The following ZFHX3 variants were observed in gnomAD, a reference collection of about 807,000 sequenced individuals.
ZFHX3 encodes zinc finger homeobox 3.
In ZFHX3, 42 loss-of-function variants were observed where a neutral mutation model predicts 279.1. That is an observed-to-expected ratio of 0.15 (90% CI 0.12 to 0.19). The LOEUF (loss-of-function observed/expected upper bound fraction) is 0.19, where lower values mean the gene tolerates loss of function less well. Ranked by LOEUF, ZFHX3 falls within the 10% of genes least tolerant of loss-of-function variation. The pLI is 1.00. For synonymous variants in ZFHX3, 2,293 were observed against 1,957.8 expected (o/e 1.17, Z -4.52); for missense variants, 4,981 against 4,754.0 (o/e 1.05, Z -1.40).
chr16:73,187,690 G>A (rs1967944620), intron 5 of ZFHX3, among the ~76,000 whole-genome samples: 1 of 152,210 alleles, frequency 6.6e-6, no homozygotes. Flanking sequence ...CTCTTTGGAT[G>A]ACAGCGATTT....
intron 4 of ZFHX3, among the ~76,000 whole-genome samples, chr16:72,862,225 G>A (rs947300503): frequency 6.6e-6 from 1 of 152,136 alleles, no homozygotes; most frequent in African/African-American, 2.4e-5. Flanking sequence ...GCTTACAAAG[G>A]TGGGTCTGGT....
At chr16:72,810,305 C>G (rs1030111800) in intron 7 of ZFHX3, among the ~76,000 whole-genome samples, 1 of 152,214 alleles carries the variant, frequency 6.6e-6, no homozygotes, top group Non-Finnish European at 1.5e-5. Flanking sequence ...CCTGCCTCAG[C>G]CTCCTTAGTA....
intron 2 of ZFHX3, among the ~76,000 whole-genome samples, chr16:73,495,677 T>C (rs908438973): frequency 2.6e-5 from 4 of 152,138 alleles, no homozygotes; most frequent in African/African-American, 9.7e-5. Flanking sequence ...GAAAAGACGT[T>C]AAGGCTCAGA....
intron 1 of ZFHX3, among the ~76,000 whole-genome samples, chr16:73,851,975 C>T (rs941528680): frequency 4.6e-5 from 7 of 152,160 alleles, no homozygotes; most frequent in African/African-American, 1.7e-4. Flanking sequence ...ATATCCAAAG[C>T]CATCTCTTAC....
At chr16:73,037,491 C>G (rs1964953362) in intron 1 of ZFHX3, among the ~76,000 whole-genome samples, 1 of 152,106 alleles carries the variant, frequency 6.6e-6, no homozygotes, top group Admixed American at 6.5e-5. Flanking sequence ...GCGACAGTTT[C>G]AATAAGTCAA....
At chr16:73,624,693 G>A (rs959151345) in intron 2 of ZFHX3, among the ~76,000 whole-genome samples, 18 of 151,680 alleles carry the variant, frequency 1.2e-4, no homozygotes, top group Non-Finnish European at 2.9e-5. Context: ...ACTTCATAAA[G>A]CACATTTCAT....
chr16:73,182,350 G>A (rs538091001), intron 5 of ZFHX3, among the ~76,000 whole-genome samples: 2 of 152,122 alleles, frequency 1.3e-5, no homozygotes, highest in East Asian at 1.9e-4. Context: ...CCAGCTACTC[G>A]GGAGGCTGAG....
Position 72,787,473 on chromosome 16 carries a change from C to T in ZFHX3, c.10803G>A (p.Ser3601=). 2 of 1,408,162 alleles carry T rather than the reference C, an allele frequency of 1.4e-6. No homozygotes were observed. Among genetic ancestry groups the T allele is most frequent in the Admixed American group, 2.2e-5 (1 of 46,038 alleles). 87.2% of individuals were successfully genotyped at this position (1,408,162 alleles called of 1,614,324 possible). ...GGGAAGCGGAGGAGGGGGCGGCGGCCGACGGGGGAGGGGGGCTGTCGTTTG... is the reference window on the plus strand; with the variant it reads ...GGGAAGCGGAGGAGGGGGCGGCGGCTGACGGGGGAGGGGGGCTGTCGTTTG... ...AHSNDSPPPP[S]AAAPSSASPH... The change falls in exon 10 of 10, where the codon TCG becomes TCA. Residue 3601 remains serine, a synonymous_variant. Coordinates refer to ENST00000268489, the MANE Select transcript of ZFHX3 (RefSeq NM_006885.4).
intron 2 of ZFHX3, among the ~76,000 whole-genome samples, chr16:73,462,547 G>A (rs977359177): frequency 6.6e-6 from 1 of 152,024 alleles, no homozygotes; most frequent in South Asian, 2.1e-4. Context: ...ACTAGCTGTA[G>A]GTTTTTGTAG....
At chr16:73,768,628 A>G (rs557502797) in intron 1 of ZFHX3, among the ~76,000 whole-genome samples, 4 of 152,306 alleles carry the variant, frequency 2.6e-5, no homozygotes, top group African/African-American at 9.6e-5. Flanking sequence ...TGTCTGTATT[A>G]ATACATTCCT....
rs1389056515 is a variant in ZFHX3, at chr16:73,045,804, G to GT, written c.-50+1947dup. The stretch of plus-strand genomic sequence containing the variant: ...AGCCATTTCAAAAAAAAAAAAAAAA[G>GT]TGGGGGGGGGTTGTTGAGAGAGGGA... On this transcript the variant is annotated intron_variant, in intron 1 of 9. Coordinates refer to ENST00000268489, the MANE Select transcript of ZFHX3 (RefSeq NM_006885.4). 7.3e-5 allele frequency among the ~76,000 whole-genome samples: 9 copies of GT among 122,940 alleles called. 1 individual carries two copies. The highest frequency in any genetic ancestry group is 7.1e-4 in the Admixed American group (9 of 12,638). 80.7% of individuals were successfully genotyped at this position (122,940 alleles called of 152,430 possible).
intron 1 of ZFHX3, among the ~76,000 whole-genome samples, chr16:73,752,538 C>T (rs1316922214): frequency 6.6e-6 from 1 of 152,140 alleles, no homozygotes; most frequent in African/African-American, 2.4e-5. Flanking sequence ...CTCTCTCTTC[C>T]TGGTCCCCAA....
chr16:73,055,685 C>T lies in ZFHX3; in HGVS notation c.-24+2845G>A, dbSNP rs1176110530. Among the ~76,000 whole-genome samples the T allele has an allele frequency of 5.1e-4, 60 of 117,722 alleles. No homozygotes were observed. The South Asian group carries it at 0.016, about 32-fold the overall frequency. 77.2% of individuals were successfully genotyped at this position (117,722 alleles called of 152,430 possible). A position where few individuals can be genotyped will look rare whatever the true frequency, so the allele number is the denominator to read the frequency against. On this transcript the variant is annotated intron_variant, in intron 1 of 8. Transcript: ENST00000397992. Reference sequence around the variant, plus strand: ...CCCACACGGTGCAGACGTACGCGCGCGCGCGCGCGCGCGCACACACACACA... The same window carrying T: ...CCCACACGGTGCAGACGTACGCGCGTGCGCGCGCGCGCGCACACACACACA...
Position 72,950,573 on chromosome 16 carries a change from C to T in ZFHX3, c.3112G>A (p.Val1038Met), listed in dbSNP as rs781364785. ...TCACAGGCGTTGCACTTGAGGTGCACGGGGTTGCCGATGGCCACACACTTG... is the reference window on the plus strand; with the variant it reads ...TCACAGGCGTTGCACTTGAGGTGCATGGGGTTGCCGATGGCCACACACTTG... ...RLKCVAIGNPVHLKCNACDYY... is the reference protein window; with the variant it reads ...RLKCVAIGNPMHLKCNACDYY... The change falls in exon 3 of 10, where the codon GTG (valine) becomes ATG (methionine). Residue 1038 changes from valine (V) to methionine (M), a missense_variant. Transcript: ENST00000268489. 12 of 1,614,050 alleles carry T rather than the reference C, an allele frequency of 7.4e-6. No homozygotes were observed. Among genetic ancestry groups the T allele is most frequent in the South Asian group, 2.2e-5 (2 of 91,084 alleles).
intron 5 of ZFHX3, among the ~76,000 whole-genome samples, chr16:73,253,451 TTC>T (rs75366992): frequency 1.7e-5 from 1 of 59,338 alleles, no homozygotes; most frequent in African/African-American, 7.7e-5. Flanking sequence ...TTTTCTTTCT[TTC>T]TCTTTTTTTT....
chr16:73,086,902 C>CA (rs1252669353), intron 8 of ZFHX3, among the ~76,000 whole-genome samples: 9 of 151,860 alleles, frequency 5.9e-5, no homozygotes, highest in East Asian at 1.9e-4. Context: ...GACCCTGTCT[C>CA]AAAAAACAAA....
At chr16:73,363,923 C>T (rs987867920) in intron 3 of ZFHX3, among the ~76,000 whole-genome samples, 3 of 152,070 alleles carry the variant, frequency 2.0e-5, no homozygotes, top group South Asian at 2.1e-4. Context: ...CTGTAATCCC[C>T]GCACTTTGGG....
intron 2 of ZFHX3, among the ~76,000 whole-genome samples, chr16:73,573,928 CTACCGTGACTCTCCAGCCTGCT>C (rs1405799020): frequency 6.6e-6 from 1 of 152,184 alleles, no homozygotes; most frequent in African/African-American, 2.4e-5. Flanking sequence ...CCACCCATAC[CTACCGTGACTCTCCAGCCTGCT>C]TACCTGTATC....
intron 5 of ZFHX3, among the ~76,000 whole-genome samples, chr16:73,197,315 T>C (rs895769037): frequency 6.6e-6 from 1 of 152,166 alleles, no homozygotes; most frequent in Non-Finnish European, 1.5e-5. Flanking sequence ...TGGGTATTGC[T>C]ATATCCACGG....
Sources: gnomAD v4.1 joint callset for allele counts (sites outside exome capture counted in the v4.1 genomes callset) on GRCh38, gnomAD v4.1.1 for gene constraint, MANE v1.5 for transcripts, NCBI Gene and HGNC (gene_info 2026-07-23, HGNC 2026-07-21) for gene names.